BCO1: variants seen among roughly 807,000 people sequenced by gnomAD.
BCO1 encodes the protein beta,beta-carotene 15,15'-dioxygenase.
BCO1 carries 54 observed loss-of-function variants against 56.3 expected under a neutral mutation model. The ratio of observed to expected loss-of-function variants is 0.96; its 90% CI spans 0.77 to 1.20. BCO1 has a LOEUF of 1.20. Among genes scored for constraint, BCO1 ranks in the 50% most tolerant of loss-of-function variants. The pLI is 0.00. For synonymous variants in BCO1, 318 were observed against 266.1 expected (o/e 1.20, Z -1.90); for missense variants, 801 against 690.9 (o/e 1.16, Z -1.79).
chr16:81,267,293 C>T (rs141266352), intron 5 of BCO1, among the ~76,000 whole-genome samples: 57 of 152,246 alleles, frequency 3.7e-4, no homozygotes, highest in African/African-American at 1.3e-3. Context: ...TCTACAGCCC[C>T]GCTTGACTAT....
intron 10 of BCO1, among the ~76,000 whole-genome samples, chr16:81,287,923 A>G (rs1398000698): frequency 1.3e-5 from 2 of 152,142 alleles, no homozygotes; most frequent in African/African-American, 4.8e-5. Flanking sequence ...AGTCATGTAA[A>G]CATGGTTGAC....
At chr16:81,253,478 T>C (rs914111715) in intron 2 of BCO1, among the ~76,000 whole-genome samples, 11 of 152,180 alleles carry the variant, frequency 7.2e-5, no homozygotes, top group African/African-American at 2.4e-5. Context: ...CATGTGGAGA[T>C]TGAGCCTCCT....
chr16:81,267,822 A>G (rs1906921831), intron 5 of BCO1, 86 bp from the exon 6 acceptor site: 3 of 1,157,802 alleles, frequency 2.6e-6, no homozygotes, highest in Middle Eastern at 2.6e-4. Context: ...TCAGCAATCA[A>G]GTCAGTTTGT....
intron 2 of BCO1, among the ~76,000 whole-genome samples, chr16:81,253,766 C>A (rs1407075956): frequency 6.6e-6 from 1 of 152,116 alleles, no homozygotes; most frequent in African/African-American, 2.4e-5. Context: ...GAGTTCAAGA[C>A]CAGCCTAGGC....
rs544911646 is a variant in BCO1, at chr16:81,248,950, T to C, written c.193+3347T>C. ...TTGCTTGAACTCAAGAGGCAGAGGC[T>C]GTGGTGAGTTGAGATCATGCCACTG... On this transcript the variant is annotated intron_variant, in intron 2 of 10. Coordinates refer to ENST00000258168, the MANE Select transcript of BCO1 (RefSeq NM_017429.3). Among the ~76,000 whole-genome samples the C allele has an allele frequency of 5.9e-5, 9 of 152,242 alleles. No individual in the cohort carries two copies. In the South Asian group the frequency reaches 1.9e-3, roughly 32 times the overall value.
intron 8 of BCO1, among the ~76,000 whole-genome samples, chr16:81,284,532 C>T (rs550028124): frequency 2.0e-5 from 3 of 152,084 alleles, no homozygotes; most frequent in Admixed American, 1.3e-4. Flanking sequence ...GACACTTGCC[C>T]ATGTTATTAA....
At chr16:81,275,884 T>TG (rs927910431) in intron 7 of BCO1, among the ~76,000 whole-genome samples, 18 of 148,996 alleles carry the variant, frequency 1.2e-4, no homozygotes, top group Non-Finnish European at 2.4e-4. Context: ...CAGGGCGGTG[T>TG]GGGGGTGCCT....
At chr16:81,287,534 C>T (rs530390004) in intron 10 of BCO1, 128 bp downstream of exon 10, 29 of 760,110 alleles carry the variant, frequency 3.8e-5, no homozygotes, top group South Asian at 1.9e-4. Flanking sequence ...TTGAAGTGTA[C>T]ATCTGTCTGG....
intron 7 of BCO1, among the ~76,000 whole-genome samples, chr16:81,273,588 G>A (rs1907371480): frequency 6.6e-6 from 1 of 151,616 alleles, no homozygotes; most frequent in Admixed American, 6.6e-5. Context: ...GTGTGTCTCT[G>A]CCATGGTTTT....
intron 7 of BCO1, 45 bp from the exon 8 acceptor site, chr16:81,280,812 G>C (rs769164242): frequency 6.5e-6 from 9 of 1,378,042 alleles, no homozygotes; most frequent in Admixed American, 1.7e-5. Context: ...GTTTGCTCTG[G>C]ATTACACGTT....
chr16:81,262,222 C>G lies in BCO1; in HGVS notation c.410C>G (p.Ala137Gly). 6.2e-7 allele frequency: 1 copy of G among 1,613,816 alleles called. No homozygotes were observed. The highest frequency in any genetic ancestry group is 8.5e-7 in the Non-Finnish European group (1 of 1,179,784). Reference sequence around the variant, plus strand: ...ATGAAGTGCGGAGAAGACTTCTACGCGACCTCAGAGACCAATTACATCAGG... The same window carrying G: ...ATGAAGTGCGGAGAAGACTTCTACGGGACCTCAGAGACCAATTACATCAGG... Reference protein sequence around the residue: ...NIMKCGEDFYATSETNYIRKI... With the variant: ...NIMKCGEDFYGTSETNYIRKI... Residue 137 changes from alanine to glycine, a missense_variant, in exon 4 of 11, where the codon GCG (alanine) becomes GGG (glycine). Transcript: ENST00000258168.
chr16:81,270,379 C>G lies in BCO1; in HGVS notation c.1064C>G (p.Thr355Ser). ...AACTCCAGGCTCACCTCGGTCCCCA[C>G]CCTCAGGAGGTTTGCCGTGCCCCTC... ...KENSRLTSVP[T>S]LRRFAVPLHV... Residue 355 changes from threonine to serine, a missense_variant, in exon 7 of 11, where the codon ACC becomes AGC. By Grantham distance (58) the Thr-to-Ser change is moderately conservative. Transcript: ENST00000258168. The G allele has an allele frequency of 3.1e-6, 5 of 1,614,104 alleles. No homozygotes were observed. The highest frequency in any genetic ancestry group is 3.4e-6 in the Non-Finnish European group (4 of 1,180,020).
At chr16:81,274,996 C>T (rs1384354448) in intron 7 of BCO1, among the ~76,000 whole-genome samples, 1 of 152,198 alleles carries the variant, frequency 6.6e-6, no homozygotes, top group African/African-American at 2.4e-5. Context: ...TCCAGCCACG[C>T]TTTTTAATTG....
chr16:81,239,950 C>T (rs915576459), intron 1 of BCO1, among the ~76,000 whole-genome samples: 2 of 152,126 alleles, frequency 1.3e-5, no homozygotes, highest in Non-Finnish European at 2.9e-5. Context: ...CAGGCATTTT[C>T]ATCTGCTAGA....
chr16:81,252,080 G>A (rs1905841848), intron 2 of BCO1, among the ~76,000 whole-genome samples: 1 of 151,904 alleles, frequency 6.6e-6, no homozygotes, highest in Non-Finnish European at 1.5e-5. Context: ...CAAAGTCCAG[G>A]GTCAGCCTTG....
At chr16:81,269,301 C>CTTT (rs113430450) in intron 6 of BCO1, among the ~76,000 whole-genome samples, 4 of 137,238 alleles carry the variant, frequency 2.9e-5, no homozygotes, top group East Asian at 2.1e-4. Context: ...TTTAGTTTTT[C>CTTT]TTTTTTTTTT....
In BCO1 at chr16:81,270,209, G is replaced by A. The variant is rs755705905; in HGVS notation, c.894G>A (p.Lys298=). ...DQRTRQPVQT[K]FYTDAMVVFH... is the part of the protein sequence containing the mutation. ...GGACCAGGCAGCCTGTGCAGACCAA[G>A]TTTTACACAGACGCCATGGTGGTCT... Residue 298 remains lysine (K), a synonymous_variant, in exon 7 of 11, where the codon AAG becomes AAA. Transcript: ENST00000258168. 2 of 1,614,150 alleles carry A rather than the reference G, an allele frequency of 1.2e-6. No individual in the cohort carries two copies. The highest frequency in any genetic ancestry group is 8.5e-7 in the Non-Finnish European group (1 of 1,180,040).
intron 7 of BCO1, among the ~76,000 whole-genome samples, chr16:81,279,714 A>G (rs963775918): frequency 2.6e-5 from 4 of 152,206 alleles, no homozygotes; most frequent in African/African-American, 9.6e-5. Context: ...CTCAATAAAT[A>G]TTTAATCATG....
intron 7 of BCO1, among the ~76,000 whole-genome samples, chr16:81,271,874 T>C (rs111726456): frequency 0.025 from 3,760 of 151,374 alleles, 160 homozygotes; most frequent in African/African-American, 0.087. Flanking sequence ...CTCAGCCTCC[T>C]GAGTAGCTGG....
Sources: gnomAD v4.1 joint callset for allele counts (sites outside exome capture counted in the v4.1 genomes callset) on GRCh38, gnomAD v4.1.1 for gene constraint, MANE v1.5 for transcripts, NCBI Gene and HGNC (gene_info 2026-07-23, HGNC 2026-07-21) for gene names.